Variants in ZNF48 observed in about 807,000 individuals in gnomAD.
The protein encoded by ZNF48 is zinc finger protein 553.
A neutral mutation model predicts 40.0 loss-of-function variants in ZNF48; 20 were observed. The observed-to-expected ratio is 0.50, with a 90% CI of 0.35 to 0.73. The LOEUF (loss-of-function observed/expected upper bound fraction) is 0.73, where lower values mean the gene tolerates loss of function less well. ZNF48 is among the 30% of genes least tolerant of loss of function. The probability of loss-of-function intolerance (pLI) is 0.01; values close to 1 mark genes in which losing one functional copy is unlikely to be tolerated. For synonymous variants in ZNF48, 298 were observed against 329.7 expected (o/e 0.90, Z 1.04); for missense variants, 726 against 851.9 (o/e 0.85, Z 1.84).
At position 30,397,223 on chromosome 16, in the gene ZNF48, G is replaced by A; in HGVS notation, c.80-107G>A. ...GAGGTTGAGAGGACAGAGAGATTGG[G>A]GTTCCTGTGACCACAGATTGTCAAG... On this transcript the variant is annotated intron_variant, in intron 2 of 2. Coordinates refer to ENST00000613509, the MANE Select transcript of ZNF48 (RefSeq NM_001214909.2). The surrounding 1 kb of genome is among the most constrained non-coding windows in gnomAD (Gnocchi z 4.1). The A allele has an allele frequency of 1.0e-6, 1 of 997,008 alleles. No homozygotes were observed. The highest frequency in any genetic ancestry group is 1.5e-6 in the Non-Finnish European group (1 of 672,846). The allele number at this position is 997,008 out of a possible 1,614,324, so 61.8% of individuals were successfully genotyped here. A position where few individuals can be genotyped will look rare whatever the true frequency, so the allele number is the denominator to read the frequency against.
intron 1 of ZNF48, chr16:30,379,279 C>G: frequency 6.5e-7 from 1 of 1,530,382 alleles, no homozygotes; most frequent in Non-Finnish European, 9.0e-7. Flanking sequence ...TGCTGCCACT[C>G]TAGCGGAGGG....
upstream of ZNF48, among the ~76,000 whole-genome samples, chr16:30,392,231 G>C (rs2049948400): frequency 1.1e-4 from 16 of 152,134 alleles, no homozygotes; most frequent in Admixed American, 1.0e-3. Context: ...CACTGTGTTA[G>C]CCAGGATGGT....
chr16:30,383,008 A>G, intron 1 of ZNF48: 1 of 582,820 alleles, frequency 1.7e-6, no homozygotes, highest in South Asian at 1.9e-5. Context: ...GTGCCCCTCT[A>G]CCATCTCTAC....
chr16:30,381,806 G>A lies in ZNF48; in HGVS notation c.-16+3396G>A. On this transcript the variant is annotated intron_variant, in intron 1 of 2. Coordinates refer to the ZNF48 transcript ENST00000528032. The surrounding 1 kb of genome is among the most constrained non-coding windows in gnomAD (Gnocchi z 4.3). ...TCCCCAAAGCCAGGTGTGTCCACAA[G>A]GGTCAGCTTCACTTTCACACCCCCT... The A allele has an allele frequency of 6.2e-7, 1 of 1,614,144 alleles. No homozygotes were observed. The highest frequency in any genetic ancestry group is 8.5e-7 in the Non-Finnish European group (1 of 1,180,008).
chr16:30,390,187 C>T (rs1037837342), intron 1 of ZNF48, among the ~76,000 whole-genome samples: 1 of 151,982 alleles, frequency 6.6e-6, no homozygotes, highest in Admixed American at 6.6e-5. Flanking sequence ...CCTTGCATCC[C>T]TTGAGGGACT....
At chr16:30,379,267 C>A (rs1345129178) in intron 1 of ZNF48, 2 of 1,548,854 alleles carry the variant, frequency 1.3e-6, no homozygotes, top group South Asian at 1.2e-5. Context: ...ACAGGAAAGT[C>A]CTGCTGCCAC....
chr16:30,398,979 G>A lies in ZNF48; in HGVS notation c.1729G>A (p.Gly577Ser). The A allele has an allele frequency of 1.2e-6, 2 of 1,614,096 alleles. No individual in the cohort carries two copies. Among genetic ancestry groups the A allele is most frequent in the South Asian group, 1.1e-5 (1 of 91,084 alleles). The change falls in exon 3 of 3, where the codon GGC becomes AGC. Residue 577 changes from glycine (G) to serine (S), a missense_variant. Gly to Ser is a moderately conservative substitution (Grantham distance 56). Around this residue, in one of 5 missense-constraint regions of ZNF48, gnomAD observed 166 missense variants for 163.6 expected, o/e 1.01. Transcript: ENST00000613509. The surrounding 1 kb of genome is among the most constrained non-coding windows in gnomAD (Gnocchi z 6.6). Reference protein sequence around the residue: ...GEKPYKCAECGKGFGDSSARI... With the variant: ...GEKPYKCAECSKGFGDSSARI... ...GAAGCCATACAAGTGTGCAGAGTGTGGCAAGGGTTTTGGTGACAGTTCTGC... is the reference window on the plus strand; with the variant it reads ...GAAGCCATACAAGTGTGCAGAGTGTAGCAAGGGTTTTGGTGACAGTTCTGC...
At chr16:30,379,404 G>T in intron 1 of ZNF48, 1 of 1,586,262 alleles carries the variant, frequency 6.3e-7, no homozygotes. Flanking sequence ...GCTCCCTGCT[G>T]GCCTTAGGAC....
In ZNF48 at chr16:30,398,956, A is replaced by T. The variant is rs2050024567; in HGVS notation, c.1706A>T (p.Lys569Met). 1 of 1,613,914 alleles carries T rather than the reference A, an allele frequency of 6.2e-7. No homozygotes were observed. The highest frequency in any genetic ancestry group is 1.3e-5 in the African/African-American group (1 of 74,890). The change falls in exon 3 of 3, where the codon AAG (lysine) becomes ATG (methionine). Residue 569 changes from lysine (K) to methionine (M), a missense_variant. Lys to Met is a moderately conservative substitution (Grantham distance 95). Coordinates refer to ENST00000613509, the MANE Select transcript of ZNF48 (RefSeq NM_001214909.2). This position sits in a 1 kb window ranked among gnomAD's most constrained non-coding sequence, Gnocchi z 6.6. ...VKHRRTHTGEKPYKCAECGKG... is the reference protein window; with the variant it reads ...VKHRRTHTGEMPYKCAECGKG... ...CACAGGCGTACACACACGGGGGAGA[A>T]GCCATACAAGTGTGCAGAGTGTGGC...
In ZNF48 at chr16:30,398,346, C is replaced by T. The variant is rs771845027; in HGVS notation, c.1096C>T (p.Arg366Cys). ...GCCCCATGCCTGCCCGGAATGCGAC[C>T]GTACCTTCAGCCTCAGCTCCACCCT... The part of the protein sequence containing the change: ...ERPHACPECD[R>C]TFSLSSTLLR... The change falls in exon 3 of 3, where the codon CGT becomes TGT. Residue 366 changes from arginine to cysteine, a missense_variant. Coordinates refer to ENST00000613509, the MANE Select transcript of ZNF48 (RefSeq NM_001214909.2). The surrounding 1 kb of genome is among the most constrained non-coding windows in gnomAD (Gnocchi z 6.6). 9.9e-6 allele frequency: 16 copies of T among 1,613,284 alleles called. No homozygotes were observed. The highest frequency in any genetic ancestry group is 4.4e-5 in the South Asian group (4 of 91,066).
chr16:30,393,233 C>G (rs1023377217), upstream of ZNF48, among the ~76,000 whole-genome samples: 2 of 151,934 alleles, frequency 1.3e-5, no homozygotes, highest in South Asian at 2.1e-4. Context: ...CCTGCCACCA[C>G]GCCCTGCTAA....
At chr16:30,379,233 A>G (rs1167515764) in intron 1 of ZNF48, 2 of 1,605,704 alleles carry the variant, frequency 1.2e-6, no homozygotes, top group Admixed American at 1.7e-5. Flanking sequence ...TTTCGGGTCC[A>G]ACCCACCCGT....
intron 1 of ZNF48, chr16:30,379,125 G>A: frequency 6.2e-7 from 1 of 1,614,148 alleles, no homozygotes; most frequent in Admixed American, 1.7e-5. Flanking sequence ...GGTCCTGCAG[G>A]TGTGTCTGCA....
chr16:30,387,556 C>T (rs908287224), intron 1 of ZNF48, among the ~76,000 whole-genome samples: 2 of 148,698 alleles, frequency 1.3e-5, no homozygotes, highest in Non-Finnish European at 3.0e-5. Flanking sequence ...ACTTCCTCTC[C>T]AAAACAAAAC....
At chr16:30,387,242 C>CTT (rs746448381) in intron 1 of ZNF48, among the ~76,000 whole-genome samples, 27 of 132,930 alleles carry the variant, frequency 2.0e-4, no homozygotes, top group African/African-American at 6.8e-4. Flanking sequence ...CGCGCCCGGC[C>CTT]TTTTTTTTTT....
At chr16:30,378,694 A>G (rs2049789243) in intron 1 of ZNF48, 2 of 1,606,642 alleles carry the variant, frequency 1.2e-6, no homozygotes, top group South Asian at 2.2e-5. Context: ...TCTGGCGGGA[A>G]AGCTTACTGC....
intron 1 of ZNF48, among the ~76,000 whole-genome samples, chr16:30,387,276 G>C (rs560354406): frequency 1.9e-4 from 28 of 146,604 alleles, no homozygotes; most frequent in African/African-American, 6.9e-4. Flanking sequence ...GTGTTTCGGC[G>C]GGGCGCCATG....
Position 30,381,429 on chromosome 16 carries a change from TACTGCTCAA to T in ZNF48, c.-16+3021_-16+3029del. 1 of 1,613,830 alleles carries T rather than the reference TACTGCTCAA, an allele frequency of 6.2e-7. No homozygotes were observed. The highest frequency in any genetic ancestry group is 8.5e-7 in the Non-Finnish European group (1 of 1,179,994). ...GTTCAGGCCACTCTCATCCCTAAGG[TACTGCTCAA>T]ATTGCTCCTCGATGAATTTCACCAC... On this transcript the variant is annotated intron_variant, in intron 1 of 2. Transcript: ENST00000528032. This position sits in a 1 kb window ranked among gnomAD's most constrained non-coding sequence, Gnocchi z 4.3.
chr16:30,391,640 C>T (rs982572481), upstream of ZNF48, among the ~76,000 whole-genome samples: 1 of 150,940 alleles, frequency 6.6e-6, no homozygotes, highest in Non-Finnish European at 1.5e-5. Context: ...GGATTACAGG[C>T]GCGTACCACC....
Sources: allele counts gnomAD v4.1 joint callset (sites outside exome capture counted in the v4.1 genomes callset), GRCh38; gene constraint gnomAD v4.1.1; regional missense constraint gnomAD v4.1.1; non-coding constraint Gnocchi (gnomAD v3.1); transcripts MANE v1.5; gene names NCBI Gene and HGNC (gene_info 2026-07-23, HGNC 2026-07-21).